The following MEGF11 variants were observed in gnomAD, a reference collection of about 807,000 sequenced individuals.
The protein encoded by MEGF11 is multiple EGF like domains 11.
A neutral mutation model predicts 146.6 loss-of-function variants in MEGF11; 126 were observed. The ratio of observed to expected loss-of-function variants is 0.86; its 90% CI spans 0.74 to 1.00. The LOEUF is 1.00. Among genes scored for constraint, MEGF11 ranks in the 50% least tolerant of loss-of-function variants. MEGF11 has a pLI of 0.00. For missense variants in MEGF11, 1,509 were observed against 1,521.2 expected, an observed-to-expected ratio of 0.99 and a Z score of 0.13; for synonymous variants, 532 against 583.4, an observed-to-expected ratio of 0.91 and a Z score of 1.27.
chr15:65,980,162 C>T (rs1596947098), intron 7 of MEGF11, among the ~76,000 whole-genome samples: 1 of 152,222 alleles, frequency 6.6e-6, no homozygotes, highest in Non-Finnish European at 1.5e-5. Context: ...TGTGGCAGCT[C>T]ATGTGGGTGC....
Position 65,982,946 on chromosome 15 carries a change from G to T in MEGF11, c.395-458C>A, listed in dbSNP as rs923107809. On this transcript the variant is annotated intron_variant, in intron 5 of 25. Coordinates refer to ENST00000395614, the MANE Select transcript of MEGF11 (RefSeq NM_001385028.1). The surrounding 1 kb of genome is among the most constrained non-coding windows in gnomAD (Gnocchi z 5.6). Reference sequence around the variant, plus strand: ...ACCCCTCTCTTCTTGGGACCTGCGGGACCCAGCCCATTCCAGCTCCCATTT... The same window carrying T: ...ACCCCTCTCTTCTTGGGACCTGCGGTACCCAGCCCATTCCAGCTCCCATTT... Among the ~76,000 whole-genome samples the T allele has an allele frequency of 6.6e-6, 1 of 151,808 alleles. No homozygotes were observed. Among genetic ancestry groups the T allele is most frequent in the Non-Finnish European group, 1.5e-5 (1 of 67,980 alleles).
intron 1 of MEGF11, among the ~76,000 whole-genome samples, chr15:66,177,571 T>C (rs2090419164): frequency 6.6e-6 from 1 of 152,020 alleles, no homozygotes; most frequent in Non-Finnish European, 1.5e-5. Flanking sequence ...CTGTTTTTGT[T>C]TTTTTTTAAC....
rs771972773 is a variant in MEGF11, at chr15:65,897,890, A to T, written c.*44T>A. 7.9e-5 allele frequency: 123 copies of T among 1,564,874 alleles called. No homozygotes were observed. The highest frequency in any genetic ancestry group is 1.0e-4 in the Non-Finnish European group (115 of 1,149,976). ...CAAGGGACTGTCTTCTTTCAGAGTCAGAATATTCAGTAGAGCACACTGCAA... is the reference window on the plus strand; with the variant it reads ...CAAGGGACTGTCTTCTTTCAGAGTCTGAATATTCAGTAGAGCACACTGCAA... On this transcript the variant is annotated 3_prime_UTR_variant, in exon 26 of 26. Transcript: ENST00000395614.
intron 15 of MEGF11, among the ~76,000 whole-genome samples, chr15:65,920,326 C>G (rs556015447): frequency 1.4e-4 from 22 of 152,214 alleles, no homozygotes; most frequent in Non-Finnish European, 3.1e-4. Context: ...ATGCATCTCA[C>G]CTGTTTGCAG....
chr15:65,972,914 T>TC (rs1277649383), intron 7 of MEGF11, among the ~76,000 whole-genome samples: 6 of 152,128 alleles, frequency 3.9e-5, no homozygotes, highest in African/African-American at 1.4e-4. Flanking sequence ...CACCTGAGGT[T>TC]CCAGACCAGC....
At chr15:66,053,615 G>A (rs546802276) in intron 5 of MEGF11, among the ~76,000 whole-genome samples, 85 of 151,462 alleles carry the variant, frequency 5.6e-4, no homozygotes, top group Non-Finnish European at 1.1e-3. Flanking sequence ...CCCTGCTCAT[G>A]GAGACATGGC....
chr15:66,127,538 C>T (rs764037335), intron 2 of MEGF11, among the ~76,000 whole-genome samples: 1 of 152,242 alleles, frequency 6.6e-6, no homozygotes, highest in Non-Finnish European at 1.5e-5. Flanking sequence ...CCATAGGGCC[C>T]TCATCTTAAT....
At chr15:66,106,292 G>T (rs754619865) in intron 4 of MEGF11, among the ~76,000 whole-genome samples, 2 of 152,172 alleles carry the variant, frequency 1.3e-5, no homozygotes, top group African/African-American at 2.4e-5. Context: ...AGGTTACTGG[G>T]GGCTTTTTCA....
At chr15:65,914,957 C>G (rs999610315) in intron 19 of MEGF11, among the ~76,000 whole-genome samples, 2 of 152,230 alleles carry the variant, frequency 1.3e-5, no homozygotes, top group African/African-American at 4.8e-5. Flanking sequence ...CAACTGGACC[C>G]TGGGACTCCA....
intron 5 of MEGF11, among the ~76,000 whole-genome samples, chr15:66,043,883 G>A (rs956586101): frequency 3.3e-5 from 5 of 152,246 alleles, no homozygotes; most frequent in Middle Eastern, 3.2e-3. Context: ...CAACCAGCAC[G>A]ATGCCTGGGC....
chr15:66,033,099 AAAAAAAG>A (rs1828756642), intron 5 of MEGF11, among the ~76,000 whole-genome samples: 1 of 151,450 alleles, frequency 6.6e-6, no homozygotes, highest in Admixed American at 6.6e-5. Context: ...AAAAAAAAAA[AAAAAAAG>A]AAGCAGAGAA....
At chr15:65,973,797 G>C (rs1156861865) in intron 7 of MEGF11, among the ~76,000 whole-genome samples, 1 of 152,122 alleles carries the variant, frequency 6.6e-6, no homozygotes, top group Admixed American at 6.5e-5. Flanking sequence ...GTCAAGAAAC[G>C]GCTATAAAGC....
chr15:65,898,681 T>C, intron 25 of MEGF11, 47 bp downstream of exon 25: 1 of 1,606,500 alleles, frequency 6.2e-7, no homozygotes, highest in Non-Finnish European at 8.5e-7. Flanking sequence ...CTTCAAATGC[T>C]GCACTATTGC....
intron 5 of MEGF11, among the ~76,000 whole-genome samples, chr15:65,989,155 AC>A (rs2141740947): frequency 6.6e-6 from 1 of 152,088 alleles, no homozygotes; most frequent in South Asian, 2.1e-4. Flanking sequence ...CTCTGTTCTC[AC>A]TGGTCCTCTC....
chr15:65,905,809 T>C (rs1278786127), intron 24 of MEGF11: 2 of 342,562 alleles, frequency 5.8e-6, no homozygotes, highest in East Asian at 4.9e-5. Context: ...AATGACGCTT[T>C]ACATTTCCGA....
At chr15:66,250,294 G>A (rs926698652) in intron 1 of MEGF11, among the ~76,000 whole-genome samples, 1 of 152,234 alleles carries the variant, frequency 6.6e-6, no homozygotes, top group East Asian at 1.9e-4. Flanking sequence ...AGCCAACAGC[G>A]TCAAATCTTT....
chr15:66,092,606 A>T (rs1461510089), intron 5 of MEGF11, among the ~76,000 whole-genome samples: 1 of 152,192 alleles, frequency 6.6e-6, no homozygotes, highest in Admixed American at 6.5e-5. Flanking sequence ...AGTCCTGTTC[A>T]TCAAATGCCA....
At chr15:66,063,276 T>C (rs555572586) in intron 5 of MEGF11, among the ~76,000 whole-genome samples, 2 of 152,328 alleles carry the variant, frequency 1.3e-5, no homozygotes, top group Admixed American at 1.3e-4. Context: ...AGAAGAGGGA[T>C]GTGATCTGAC....
At chr15:65,927,410 G>A (rs1006851721) in intron 13 of MEGF11, among the ~76,000 whole-genome samples, 2 of 152,198 alleles carry the variant, frequency 1.3e-5, no homozygotes, top group Non-Finnish European at 2.9e-5. Context: ...GGATACAATG[G>A]TGAATAAGGC....
Sources: allele counts gnomAD v4.1 joint callset (sites outside exome capture counted in the v4.1 genomes callset), GRCh38; gene constraint gnomAD v4.1.1; non-coding constraint Gnocchi (gnomAD v3.1); transcripts MANE v1.5; gene names NCBI Gene and HGNC (gene_info 2026-07-23, HGNC 2026-07-21).